Variants in GMPR observed in about 807,000 individuals in gnomAD.
The protein encoded by GMPR is GMP reductase 1.
Under a neutral mutation model 38.4 loss-of-function variants are expected in GMPR, and 31 were observed. The observed-to-expected ratio is 0.81, with a 90% CI of 0.61 to 1.09. GMPR has a LOEUF of 1.09. Ranked by LOEUF, GMPR falls within the 50% of genes least tolerant of loss-of-function variation. The pLI, the probability that GMPR is intolerant of heterozygous loss-of-function variation, is 0.00. For synonymous variants in GMPR, 162 were observed against 173.3 expected (o/e 0.93, Z 0.51); for missense variants, 468 against 453.7 (o/e 1.03, Z -0.29).
intron 1 of GMPR, 56 bp from the exon 2 acceptor site, chr6:16,246,786 A>G (rs1390416543): frequency 3.2e-6 from 5 of 1,568,272 alleles, no homozygotes; most frequent in South Asian, 1.1e-5. Flanking sequence ...CACATTTCAC[A>G]TAAGAGCAAA....
At chr6:16,241,281 G>A (rs907423886) in intron 1 of GMPR, among the ~76,000 whole-genome samples, 1 of 152,132 alleles carries the variant, frequency 6.6e-6, no homozygotes. Flanking sequence ...GCTTATCCTC[G>A]TGACAGTTTT....
chr6:16,285,919 G>T, intron 7 of GMPR, 84 bp downstream of exon 7: 1 of 1,144,882 alleles, frequency 8.7e-7, no homozygotes. Flanking sequence ...CCTGAATGAG[G>T]AGGGGGACCT....
intron 3 of GMPR, 108 bp from the exon 4 acceptor site, chr6:16,254,454 A>G: frequency 1.1e-6 from 1 of 872,528 alleles, no homozygotes; most frequent in Non-Finnish European, 1.9e-6. Flanking sequence ...ATTAGGGTAG[A>G]CCGAAAAGGG....
chr6:16,274,564 C>T, intron 5 of GMPR, 68 bp downstream of exon 5: 1 of 847,128 alleles, frequency 1.2e-6, no homozygotes, highest in South Asian at 1.3e-5. Flanking sequence ...CTTGCGGGGA[C>T]TGCAGATCAC....
At chr6:16,266,889 C>G (rs1324822943) in intron 4 of GMPR, among the ~76,000 whole-genome samples, 1 of 151,726 alleles carries the variant, frequency 6.6e-6, no homozygotes. Flanking sequence ...GAGGAACGAA[C>G]AACTCCGGAC....
chr6:16,284,213 G>C (rs2113700777), intron 6 of GMPR, among the ~76,000 whole-genome samples: 1 of 152,334 alleles, frequency 6.6e-6, no homozygotes, highest in South Asian at 2.1e-4. Context: ...TTAACCTTTT[G>C]ATCAGAGCTG....
intron 1 of GMPR, among the ~76,000 whole-genome samples, chr6:16,239,618 A>T (rs1245992941): frequency 6.6e-6 from 1 of 152,228 alleles, no homozygotes; most frequent in African/African-American, 2.4e-5. Context: ...AGGAAACCGG[A>T]CACGGTTGAA....
chr6:16,281,802 C>G (rs1759579542), intron 6 of GMPR, among the ~76,000 whole-genome samples: 1 of 152,226 alleles, frequency 6.6e-6, no homozygotes. Flanking sequence ...GCCACCGTGC[C>G]CGGCCTCCGA....
At chr6:16,266,750 G>A (rs1325732446) in intron 4 of GMPR, among the ~76,000 whole-genome samples, 2 of 151,486 alleles carry the variant, frequency 1.3e-5, no homozygotes, top group Non-Finnish European at 2.9e-5. Context: ...GGGGGAGCTT[G>A]ACGGCACTCC....
chr6:16,247,302 G>A lies in GMPR; in HGVS notation c.207+341G>A, dbSNP rs181889082. Among the ~76,000 whole-genome samples the A allele has an allele frequency of 6.2e-3, 939 of 152,122 alleles. 10 individuals carry two copies. The highest frequency in any genetic ancestry group is 0.021 in the African/African-American group (892 of 41,514). On this transcript the variant is annotated intron_variant, in intron 2 of 8. Coordinates refer to ENST00000259727, the MANE Select transcript of GMPR (RefSeq NM_006877.4). ...AGCTGCTTTGTATGCAGTCCGTGCT[G>A]CAGCATTTACTGTATAATTATGTTG...
intron 2 of GMPR, 68 bp from the exon 3 acceptor site, chr6:16,250,216 T>A: frequency 1.2e-6 from 1 of 855,910 alleles, no homozygotes; most frequent in Non-Finnish European, 2.0e-6. Flanking sequence ...GATCACCACC[T>A]CCAGATGGAG....
chr6:16,265,129 A>C (rs1170955758), intron 4 of GMPR, among the ~76,000 whole-genome samples: 1 of 152,206 alleles, frequency 6.6e-6, no homozygotes, highest in African/African-American at 2.4e-5. Context: ...GTTAAAAAAA[A>C]GTTTGTAGAA....
At chr6:16,248,086 C>T (rs897353433) in intron 2 of GMPR, among the ~76,000 whole-genome samples, 1 of 151,316 alleles carries the variant, frequency 6.6e-6, no homozygotes, top group Non-Finnish European at 1.5e-5. Context: ...TGAAAATTGG[C>T]CAGGTGTGGT....
intron 4 of GMPR, among the ~76,000 whole-genome samples, chr6:16,265,286 G>A (rs1316819293): frequency 1.3e-5 from 2 of 152,162 alleles, no homozygotes; most frequent in Non-Finnish European, 2.9e-5. Flanking sequence ...TCTTTGAGTA[G>A]AGGTAATAGC....
At chr6:16,294,307 C>T (rs1175610065) in intron 8 of GMPR, among the ~76,000 whole-genome samples, 6 of 152,142 alleles carry the variant, frequency 3.9e-5, no homozygotes, top group African/African-American at 7.2e-5. Context: ...AACAGGGAGT[C>T]GAACTGGGGG....
intron 4 of GMPR, among the ~76,000 whole-genome samples, chr6:16,266,453 T>G (rs1409782994): frequency 9.1e-6 from 1 of 109,400 alleles, no homozygotes; most frequent in African/African-American, 3.4e-5. Flanking sequence ...GTGCCACCTT[T>G]AAGAGCTGTA....
intron 3 of GMPR, among the ~76,000 whole-genome samples, chr6:16,250,894 A>G (rs538056258): frequency 4.2e-4 from 52 of 123,146 alleles, no homozygotes; most frequent in African/African-American, 1.5e-3. Context: ...AAAAAAGACA[A>G]TAAATGTTGT....
chr6:16,242,795 C>T (rs1390051318), intron 1 of GMPR, among the ~76,000 whole-genome samples: 10 of 152,172 alleles, frequency 6.6e-5, no homozygotes, highest in African/African-American at 1.7e-4. Flanking sequence ...TGCACCACCA[C>T]GTCCAACTAA....
At chr6:16,252,081 A>G (rs1758886000) in intron 3 of GMPR, among the ~76,000 whole-genome samples, 2 of 152,218 alleles carry the variant, frequency 1.3e-5, no homozygotes, top group Admixed American at 6.5e-5. Flanking sequence ...GTGGATTTTG[A>G]TTAGTGAAAA....
Sources: gnomAD v4.1 joint callset for allele counts (sites outside exome capture counted in the v4.1 genomes callset) on GRCh38, gnomAD v4.1.1 for gene constraint, MANE v1.5 for transcripts, NCBI Gene and HGNC (gene_info 2026-07-23, HGNC 2026-07-21) for gene names.